The following PCDHA1 variants were observed in gnomAD, a reference collection of about 807,000 sequenced individuals.
PCDHA1 encodes the protein protocadherin alpha 1.
In PCDHA1, 42 loss-of-function variants were observed where a neutral mutation model predicts 61.3. The observed-to-expected ratio is 0.69, with a 90% CI of 0.54 to 0.89. The LOEUF (loss-of-function observed/expected upper bound fraction) is 0.89. Among genes scored for constraint, PCDHA1 ranks in the 40% least tolerant of loss-of-function variants. PCDHA1 has a pLI of 0.00. For synonymous variants in PCDHA1, 610 were observed against 553.8 expected (o/e 1.10, Z -1.43); for missense variants, 1,256 against 1,235.3 (o/e 1.02, Z -0.25).
rs367885958 is a variant in PCDHA1, at chr5:140,884,427, C to G, written c.2395-94522C>G. The G allele has an allele frequency of 2.5e-5, 40 of 1,613,840 alleles. No individual in the cohort carries two copies. The African/African-American group carries it at 5.1e-4, about 20-fold the overall frequency. ...GTGCTCACGTTGCTGCTGTATACTG[C>G]GCTGCGGTGCTCGGCACCGCCCACC... is the stretch of plus-strand genomic sequence containing the variant. On this transcript the variant is annotated intron_variant, in intron 1 of 3. Coordinates refer to ENST00000504120, the MANE Select transcript of PCDHA1 (RefSeq NM_018900.4).
rs376462906 is a variant in PCDHA1, at chr5:140,873,767, TCTC to T, written c.2394+85086_2394+85088del. Among the ~76,000 whole-genome samples, 393 of 152,280 alleles carry T rather than the reference TCTC, an allele frequency of 2.6e-3. 1 individual carries two copies. The highest frequency in any genetic ancestry group is 9.2e-3 in the African/African-American group (382 of 41,558). On this transcript the variant is annotated intron_variant, in intron 1 of 3. Transcript: ENST00000504120. ...TCTCCACCTCCCATGTTCAAGCAAT[TCTC>T]CTGCCTCAGCTTTCCGAGAAGCTGG...
At chr5:140,857,595 T>C in intron 1 of PCDHA1, 2 of 1,595,942 alleles carry the variant, frequency 1.3e-6, no homozygotes, top group Non-Finnish European at 1.7e-6. Context: ...AGCGGCAAGG[T>C]GTACGCGCTG....
chr5:140,928,461 C>T, intron 1 of PCDHA1: 2 of 1,614,108 alleles, frequency 1.2e-6, no homozygotes, highest in Non-Finnish European at 1.7e-6. Context: ...GGTTTCATTT[C>T]CAAGTAGAAG....
intron 1 of PCDHA1, chr5:140,868,546 A>T (rs1356639258): frequency 1.3e-5 from 2 of 152,640 alleles, no homozygotes; most frequent in African/African-American, 2.4e-5. Context: ...TTCAAATTTG[A>T]TAGTATTTTT....
rs2150340474 is a variant in PCDHA1, at chr5:140,842,609, G to A, written c.2394+53925G>A. On this transcript the variant is annotated intron_variant, in intron 1 of 3. Transcript: ENST00000504120. ...TGAGTTGGTGGTAACCGCGCGGGAC[G>A]GGGGCTCGCCTTCGCTGTGGGCCAC... 1.8e-5 allele frequency: 28 copies of A among 1,595,750 alleles called. 2 individuals carry two copies. Among genetic ancestry groups the A allele is most frequent in the African/African-American group, 2.7e-5 (2 of 74,312 alleles).
intron 1 of PCDHA1, among the ~76,000 whole-genome samples, chr5:140,958,528 G>T (rs961967514): frequency 4.6e-5 from 7 of 152,112 alleles, no homozygotes; most frequent in Non-Finnish European, 8.8e-5. Flanking sequence ...TATACTATGT[G>T]TACATTGATT....
intron 1 of PCDHA1, chr5:140,876,679 A>T (rs782671923): frequency 2.5e-6 from 4 of 1,614,118 alleles, no homozygotes; most frequent in Non-Finnish European, 3.4e-6. Flanking sequence ...CACCTACAAG[A>T]ATTACTACTC....
intron 1 of PCDHA1, chr5:140,804,048 A>G (rs1763325695): frequency 6.0e-6 from 1 of 167,982 alleles, no homozygotes; most frequent in Non-Finnish European, 1.3e-5. Context: ...ATAACTCCCT[A>G]TTGATTATGC....
chr5:140,933,694 C>T (rs782754431), intron 1 of PCDHA1, among the ~76,000 whole-genome samples: 8 of 151,858 alleles, frequency 5.3e-5, no homozygotes, highest in South Asian at 4.1e-4. Flanking sequence ...TCCTATTCCT[C>T]GGACACATTT....
chr5:140,957,473 G>A (rs1307847703), intron 1 of PCDHA1, among the ~76,000 whole-genome samples: 1 of 151,954 alleles, frequency 6.6e-6, no homozygotes, highest in Non-Finnish European at 1.5e-5. Context: ...GTATGTATAG[G>A]AAAAAACATA....
Position 140,835,881 on chromosome 5 carries a change from G to A in PCDHA1, c.2394+47197G>A, listed in dbSNP as rs200873751. 135 of 1,612,004 alleles carry A rather than the reference G, an allele frequency of 8.4e-5. 2 individuals are homozygous for A. Among genetic ancestry groups the A allele is most frequent in the Non-Finnish European group, 1.1e-4 (125 of 1,179,638 alleles). ...CTACTCGCTGGTGGAGCTGCGGGTG[G>A]GCGAGCGCGCGCTGTCGAGCTACGT... On this transcript the variant is annotated intron_variant, in intron 1 of 3. Transcript: ENST00000504120.
chr5:140,978,688 G>A (rs1258023605), intron 1 of PCDHA1, among the ~76,000 whole-genome samples: 2 of 152,238 alleles, frequency 1.3e-5, no homozygotes, highest in African/African-American at 4.8e-5. Context: ...TATTGGGCAA[G>A]GCAAAGCCAA....
intron 3 of PCDHA1, among the ~76,000 whole-genome samples, chr5:141,007,792 C>A (rs2098346636): frequency 6.6e-6 from 1 of 152,166 alleles, no homozygotes. Flanking sequence ...TACAAATTAG[C>A]CTTTATCTGC....
At chr5:140,870,839 T>C (rs1358609489) in intron 1 of PCDHA1, 3 of 1,613,690 alleles carry the variant, frequency 1.9e-6, no homozygotes, top group South Asian at 1.1e-5. Flanking sequence ...GTTAACAAGC[T>C]AGTACCGCGG....
chr5:140,967,858 G>C lies in PCDHA1; in HGVS notation c.2395-11091G>C, dbSNP rs2096190865. ...TGGACGTGAATGACAATGCCCCAGA[G>C]GTGGTGCTCACGGACCTGTATAGCC... On this transcript the variant is annotated intron_variant, in intron 1 of 3. Coordinates refer to ENST00000504120, the MANE Select transcript of PCDHA1 (RefSeq NM_018900.4). 6 of 1,614,166 alleles carry C rather than the reference G, an allele frequency of 3.7e-6. No homozygotes were observed. The East Asian group carries it at 1.3e-4, about 36-fold the overall frequency.
intron 1 of PCDHA1, chr5:140,843,324 C>A: frequency 6.3e-7 from 1 of 1,596,010 alleles, no homozygotes; most frequent in Middle Eastern, 1.7e-4. Flanking sequence ...GTTCTGGTGT[C>A]GCTGGTGGAG....
At chr5:140,841,400 G>C (rs1777194245) in intron 1 of PCDHA1, 1 of 1,613,096 alleles carries the variant, frequency 6.2e-7, no homozygotes, top group Admixed American at 1.7e-5. Context: ...CTGGAAGGTG[G>C]GGAGCGGCCA....
At chr5:140,922,825 C>T (rs1554200979) in intron 1 of PCDHA1, among the ~76,000 whole-genome samples, 1 of 152,178 alleles carries the variant, frequency 6.6e-6, no homozygotes, top group Non-Finnish European at 1.5e-5. Context: ...CAGCATACTG[C>T]TAATAGATGT....
At chr5:140,850,654 T>G in intron 1 of PCDHA1, 1 of 1,598,638 alleles carries the variant, frequency 6.3e-7, no homozygotes, top group Non-Finnish European at 8.6e-7. Flanking sequence ...CTGTACACTG[T>G]GCTGCGGTGC....
Sources: allele counts gnomAD v4.1 joint callset (sites outside exome capture counted in the v4.1 genomes callset), GRCh38; gene constraint gnomAD v4.1.1; transcripts MANE v1.5; gene names NCBI Gene and HGNC (gene_info 2026-07-23, HGNC 2026-07-21).